TCF7L2: variants seen among roughly 807,000 people sequenced by gnomAD.
The protein encoded by TCF7L2 is transcription factor 7 like 2.
In TCF7L2, 23 loss-of-function variants were observed where a neutral mutation model predicts 77.9. That is an observed-to-expected ratio of 0.30 (90% CI 0.21 to 0.42). The LOEUF (loss-of-function observed/expected upper bound fraction) is 0.42. Among genes scored for constraint, TCF7L2 ranks in the 10% least tolerant of loss-of-function variants. The probability of loss-of-function intolerance (pLI) is 1.00; values close to 1 mark genes in which losing one functional copy is unlikely to be tolerated. For synonymous variants in TCF7L2, 413 were observed against 340.2 expected, an observed-to-expected ratio of 1.21 and a Z score of -2.36; for missense variants, 654 against 793.1, an observed-to-expected ratio of 0.82 and a Z score of 2.11.
chr10:112,965,641 G>A lies in TCF7L2; in HGVS notation c.450+1017G>A, dbSNP rs1051187179. 2.4e-3 allele frequency among the ~76,000 whole-genome samples: 331 copies of A among 135,912 alleles called. 1 individual carries two copies. Among genetic ancestry groups the A allele is most frequent in the Non-Finnish European group, 3.1e-3 (190 of 61,950 alleles). 89.2% of individuals were successfully genotyped at this position (135,912 alleles called of 152,430 possible). A position where few individuals can be genotyped will look rare whatever the true frequency, so the allele number is the denominator to read the frequency against. On this transcript the variant is annotated intron_variant, in intron 4 of 13. Coordinates refer to ENST00000627217, the MANE Select transcript of TCF7L2 (RefSeq NM_001146274.2). ...TGTGTGTGTGTATATGTGTGTGTGTGTGTGTGTGTGTGTGTGTGTGTGTGT... is the reference window on the plus strand; with the variant it reads ...TGTGTGTGTGTATATGTGTGTGTGTATGTGTGTGTGTGTGTGTGTGTGTGT...
chr10:112,993,608 C>T (rs538810885), intron 4 of TCF7L2, among the ~76,000 whole-genome samples: 1 of 152,278 alleles, frequency 6.6e-6, no homozygotes, highest in Admixed American at 6.5e-5. Flanking sequence ...TCAGGGTGCA[C>T]CTGGGCTTAT....
intron 4 of TCF7L2, among the ~76,000 whole-genome samples, chr10:113,015,573 A>G (rs2047201929): frequency 1.3e-5 from 2 of 151,650 alleles, no homozygotes; most frequent in South Asian, 4.2e-4. Flanking sequence ...GGCTCAAGCA[A>G]TCCCCCTGCC....
chr10:113,076,188 G>T (rs1268943452), intron 5 of TCF7L2, among the ~76,000 whole-genome samples: 2 of 151,706 alleles, frequency 1.3e-5, no homozygotes, highest in Non-Finnish European at 2.9e-5. Context: ...CCCAGGCTGG[G>T]ATATACTGAC....
At chr10:113,058,776 G>A (rs375451269) in intron 5 of TCF7L2, among the ~76,000 whole-genome samples, 3 of 152,066 alleles carry the variant, frequency 2.0e-5, no homozygotes, top group Middle Eastern at 3.2e-3. Flanking sequence ...AGAGAGACCC[G>A]CAAGCACAGA....
chr10:113,151,162 A>G lies in TCF7L2; in HGVS notation c.1001+39A>G. The G allele has an allele frequency of 4.3e-6, 7 of 1,613,556 alleles. No homozygotes were observed. Among genetic ancestry groups the G allele is most frequent in the Non-Finnish European group, 5.1e-6 (6 of 1,179,646 alleles). ...TTTTTCTCACCTTCTTCGTAGCCGC[A>G]GTGTTCTGCAAGCCTGTTGCAGCTG... On this transcript the variant is annotated intron_variant, in intron 9 of 13. Coordinates refer to ENST00000627217, the MANE Select transcript of TCF7L2 (RefSeq NM_001146274.2). This position sits in a 1 kb window ranked among gnomAD's most constrained non-coding sequence, Gnocchi z 5.2.
intron 3 of TCF7L2, 67 bp from the exon 4 acceptor site, chr10:112,964,489 C>T: frequency 6.8e-7 from 1 of 1,480,142 alleles, no homozygotes; most frequent in Non-Finnish European, 9.4e-7. Context: ...TATTCATAAA[C>T]TGCTTAAGAT....
chr10:112,981,310 A>C (rs1436090370), intron 4 of TCF7L2, among the ~76,000 whole-genome samples: 2 of 20,152 alleles, frequency 9.9e-5, no homozygotes, highest in African/African-American at 5.1e-4. Flanking sequence ...CCCGTCCTCA[A>C]AAAAAAAAAA....
chr10:113,103,917 G>A (rs578034122), intron 5 of TCF7L2, among the ~76,000 whole-genome samples: 1 of 152,292 alleles, frequency 6.6e-6, no homozygotes, highest in South Asian at 2.1e-4. Flanking sequence ...CAAGGGAGCT[G>A]GGTCAGTGTA....
chr10:112,974,391 G>C (rs759825115), intron 4 of TCF7L2, among the ~76,000 whole-genome samples: 13 of 152,128 alleles, frequency 8.5e-5, no homozygotes, highest in Non-Finnish European at 1.9e-4. Flanking sequence ...TATGGGCCAC[G>C]GCAGGTGGGC....
intron 4 of TCF7L2, among the ~76,000 whole-genome samples, chr10:112,998,326 C>T (rs74159633): frequency 6.6e-4 from 101 of 152,194 alleles, no homozygotes; most frequent in African/African-American, 2.3e-3. Context: ...TAAATTGAAT[C>T]GGACTAAAAC....
At chr10:112,953,452 AGT>A (rs1351186364) in intron 3 of TCF7L2, among the ~76,000 whole-genome samples, 2 of 152,132 alleles carry the variant, frequency 1.3e-5, no homozygotes, top group African/African-American at 4.8e-5. Flanking sequence ...TCAGAATCGC[AGT>A]GTTCGCCTAC....
chr10:113,064,570 G>A (rs1011769297), intron 5 of TCF7L2, among the ~76,000 whole-genome samples: 5 of 152,216 alleles, frequency 3.3e-5, no homozygotes, highest in African/African-American at 1.2e-4. Context: ...TTTCAGCCTT[G>A]CTGCTGGTGA....
rs78190415 is a variant in TCF7L2, at chr10:113,093,947, C to T, written c.553-47237C>T. 4.3e-3 allele frequency among the ~76,000 whole-genome samples: 656 copies of T among 152,282 alleles called. 2 individuals are homozygous for T. Among genetic ancestry groups the T allele is most frequent in the Non-Finnish European group, 6.7e-3 (456 of 68,018 alleles). On this transcript the variant is annotated intron_variant, in intron 5 of 13. Coordinates refer to ENST00000627217, the MANE Select transcript of TCF7L2 (RefSeq NM_001146274.2). Reference sequence around the variant, plus strand: ...CCTTCCCTGATTCCTTGTTTCCTTCCTCTTCAGGGGTTCTATAAACTTTTC... The same window carrying T: ...CCTTCCCTGATTCCTTGTTTCCTTCTTCTTCAGGGGTTCTATAAACTTTTC...
At chr10:113,063,375 G>A (rs1436392323) in intron 5 of TCF7L2, among the ~76,000 whole-genome samples, 1 of 152,112 alleles carries the variant, frequency 6.6e-6, no homozygotes, top group Admixed American at 6.6e-5. Flanking sequence ...CTTTTATGTT[G>A]GGCCAAAAGA....
intron 3 of TCF7L2, among the ~76,000 whole-genome samples, chr10:112,953,904 AC>A (rs1362622782): frequency 1.3e-5 from 2 of 152,000 alleles, no homozygotes; most frequent in Admixed American, 6.6e-5. Context: ...TTTAGTACTT[AC>A]ATGTCAAACA....
intron 4 of TCF7L2, among the ~76,000 whole-genome samples, chr10:112,995,713 C>G (rs927207361): frequency 2.0e-5 from 3 of 152,138 alleles, no homozygotes; most frequent in Non-Finnish European, 2.9e-5. Flanking sequence ...CGGAGAGGCC[C>G]TCTGGGAAAC....
At position 113,152,300 on chromosome 10, in the gene TCF7L2, G is replaced by A. The variant is rs577331567; in HGVS notation, c.1162-33G>A. On this transcript the variant is annotated intron_variant, in intron 10 of 13. Coordinates refer to ENST00000627217, the MANE Select transcript of TCF7L2 (RefSeq NM_001146274.2). Reference sequence around the variant, plus strand: ...CTTTCATGCTTTTCTCTTTGTTCATGTCTTTCTCATCTGTACCCCACGTCC... The same window carrying A: ...CTTTCATGCTTTTCTCTTTGTTCATATCTTTCTCATCTGTACCCCACGTCC... The A allele has an allele frequency of 5.2e-6, 8 of 1,548,810 alleles. No individual in the cohort carries two copies. The East Asian group carries it at 1.1e-4, about 22-fold the overall frequency.
chr10:113,137,082 G>C (rs1338713883), intron 5 of TCF7L2, among the ~76,000 whole-genome samples: 1 of 151,644 alleles, frequency 6.6e-6, no homozygotes, highest in Non-Finnish European at 1.5e-5. Context: ...GCATAGTAAA[G>C]TGATGACTTT....
chr10:113,041,925 G>A (rs1214200684), intron 5 of TCF7L2, among the ~76,000 whole-genome samples: 1 of 152,130 alleles, frequency 6.6e-6, no homozygotes, highest in Non-Finnish European at 1.5e-5. Context: ...TCTCTTCGTT[G>A]TTCTCTCTCT....
Sources: gnomAD v4.1 joint callset for allele counts (sites outside exome capture counted in the v4.1 genomes callset) on GRCh38, gnomAD v4.1.1 for gene constraint, Gnocchi (gnomAD v3.1) non-coding constraint, MANE v1.5 for transcripts, NCBI Gene and HGNC (gene_info 2026-07-23, HGNC 2026-07-21) for gene names.